THBS1: variants seen among roughly 807,000 people sequenced by gnomAD.
THBS1 encodes thrombospondin 1, also known as thrombospondin-1.
A neutral mutation model predicts 126.1 loss-of-function variants in THBS1; 29 were observed. The observed-to-expected ratio is 0.23, with a 90% CI of 0.17 to 0.31. The LOEUF is 0.31. Among genes scored for constraint, THBS1 ranks in the 10% least tolerant of loss-of-function variants. The probability of loss-of-function intolerance (pLI) is 1.00; values close to 1 mark genes in which losing one functional copy is unlikely to be tolerated. For synonymous variants in THBS1, 496 were observed against 577.8 expected (o/e 0.86, Z 2.03); for missense variants, 1,198 against 1,545.2 (o/e 0.78, Z 3.77).
rs976259594 is a variant in THBS1, at chr15:39,589,384, G to C, written c.1926+30G>C. 1.2e-6 allele frequency: 2 copies of C among 1,612,432 alleles called. No homozygotes were observed. The highest frequency in any genetic ancestry group is 1.7e-6 in the Non-Finnish European group (2 of 1,179,422). On this transcript the variant is annotated intron_variant, in intron 12 of 21. Coordinates refer to ENST00000260356, the MANE Select transcript of THBS1 (RefSeq NM_003246.4). This position sits in a 1 kb window ranked among gnomAD's most constrained non-coding sequence, Gnocchi z 4.7. Reference sequence around the variant, plus strand: ...AGTCAACTAGACGAGTAAACCAGAGGACAGGAGAGCTGTCCTTGACCAAAA... The same window carrying C: ...AGTCAACTAGACGAGTAAACCAGAGCACAGGAGAGCTGTCCTTGACCAAAA...
At chr15:39,583,565 C>T in intron 3 of THBS1, 52 bp from the exon 4 acceptor site, 1 of 1,215,040 alleles carries the variant, frequency 8.2e-7, no homozygotes, top group Non-Finnish European at 1.2e-6. Flanking sequence ...CCCCCAACCC[C>T]ATCCCCACCC....
At position 39,582,772 on chromosome 15, in the gene THBS1, C is replaced by A. The variant is rs41376748; in HGVS notation, c.627+20C>A. ...TTCCAGGTGAGGCTTCTTCTCTGAG[C>A]CCTGCTCCGTGGGATCATCTGCTAG... On this transcript the variant is annotated intron_variant, in intron 3 of 21. Coordinates refer to ENST00000260356, the MANE Select transcript of THBS1 (RefSeq NM_003246.4). 9,901 of 1,585,134 alleles carry A rather than the reference C, an allele frequency of 6.2e-3. 411 individuals carry two copies. The African/African-American group carries it at 0.1, about 16-fold the overall frequency.
chr15:39,595,279 TG>T, intron 21 of THBS1, 82 bp from the exon 22 acceptor site: 1 of 915,360 alleles, frequency 1.1e-6, no homozygotes, highest in South Asian at 2.9e-5. Flanking sequence ...TATTCCTATG[TG>T]GTTAACTTAT....
At position 39,592,830 on chromosome 15, in the gene THBS1, CAG is replaced by C; in HGVS notation, c.2767+29_2767+30del. Reference sequence around the variant, plus strand: ...GAGTCATGGGAGCCACTTTCTAAGACAGGGACTGCTGGCACAGCTGTGTAGAT... The same window carrying C: ...GAGTCATGGGAGCCACTTTCTAAGACGGACTGCTGGCACAGCTGTGTAGAT... On this transcript the variant is annotated intron_variant, in intron 17 of 21. Coordinates refer to ENST00000260356, the MANE Select transcript of THBS1 (RefSeq NM_003246.4). The surrounding 1 kb of genome is among the most constrained non-coding windows in gnomAD (Gnocchi z 4.3). 1 of 1,598,174 alleles carries C rather than the reference CAG, an allele frequency of 6.3e-7. No homozygotes were observed. Among genetic ancestry groups the C allele is most frequent in the Non-Finnish European group, 8.5e-7 (1 of 1,169,596 alleles).
chr15:39,582,415 TGAA>T lies in THBS1; in HGVS notation c.296_298del (p.Lys99del), dbSNP rs1890128053. The T allele has an allele frequency of 6.2e-7, 1 of 1,614,058 alleles. No individual in the cohort carries two copies. The highest frequency in any genetic ancestry group is 8.5e-7 in the Non-Finnish European group (1 of 1,179,974). ...CTCCTTCTGGCATCCCTGAGGCAGA[TGAA>T]GAAGACCCGGGGCACGCTGCTGGCC... On this transcript the variant is annotated inframe_deletion, in exon 3 of 22. Coordinates refer to ENST00000260356, the MANE Select transcript of THBS1 (RefSeq NM_003246.4).
intron 2 of THBS1, 32 bp from the exon 3 acceptor site, chr15:39,582,161 A>G: frequency 6.4e-7 from 1 of 1,554,464 alleles, no homozygotes; most frequent in East Asian, 2.3e-5. Context: ...CCAGCCTAGA[A>G]AGCTCACTTT....
Position 39,588,508 on chromosome 15 carries a change from T to C in THBS1, c.1472-18T>C. The C allele has an allele frequency of 6.5e-7, 1 of 1,533,008 alleles. No homozygotes were observed. The highest frequency in any genetic ancestry group is 2.3e-5 in the East Asian group (1 of 44,140). The allele number at this position is 1,533,008 out of a possible 1,614,324, so 95.0% of individuals were successfully genotyped here. On this transcript the variant is annotated intron_variant, in intron 9 of 21. Coordinates refer to ENST00000260356, the MANE Select transcript of THBS1 (RefSeq NM_003246.4). ...GAAAGTTGATCTTAATTGTTGCCTG[T>C]GGTTCATCTTCTTACAGTCAATGGA... is the stretch of plus-strand genomic sequence containing the variant.
chr15:39,583,625 G>A lies in THBS1; in HGVS notation c.636G>A (p.Leu212=). Reference sequence around the variant, plus strand: ...GTGTCCTCTGCCCACAGGGGGTGCTGCAGAATGTGAGGTTTGTCTTTGGAA... The same window carrying A: ...GTGTCCTCTGCCCACAGGGGGTGCTACAGAATGTGAGGTTTGTCTTTGGAA... ...GGVNDNFQGV[L]QNVRFVFGTT... Residue 212 remains leucine (L), a synonymous_variant, in exon 4 of 22, where the codon CTG becomes CTA. Transcript: ENST00000260356. The A allele has an allele frequency of 6.2e-7, 1 of 1,613,512 alleles. No homozygotes were observed. The highest frequency in any genetic ancestry group is 8.5e-7 in the Non-Finnish European group (1 of 1,179,718).
At position 39,597,275 on chromosome 15, in the gene THBS1, GTTTTGTTTTTTTT is replaced by G. The variant is rs1890475298; in HGVS notation, c.*1911_*1923del. The G allele has an allele frequency of 1.9e-5, 1 of 52,594 alleles. No homozygotes were observed. The highest frequency in any genetic ancestry group is 5.4e-4 in the South Asian group (1 of 1,864). 3.3% of individuals were successfully genotyped at this position (52,594 alleles called of 1,614,324 possible). A position where few individuals can be genotyped will look rare whatever the true frequency, so the allele number is the denominator to read the frequency against. Reference sequence around the variant, plus strand: ...GAATTGTTGGTTTTTTCTTTTTTTTGTTTTGTTTTTTTTTTTTTTTTTTTTTGCTTTTGACCTC... The same window carrying G: ...GAATTGTTGGTTTTTTCTTTTTTTTGTTTTTTTTTTTTTGCTTTTGACCTC... On this transcript the variant is annotated 3_prime_UTR_variant, in exon 22 of 22. Transcript: ENST00000260356.
chr15:39,596,027 T>C lies in THBS1; in HGVS notation c.*658T>C, dbSNP rs1890435456. 2.6e-6 allele frequency: 1 copy of C among 377,896 alleles called. No homozygotes were observed. 23.4% of individuals were successfully genotyped at this position (377,896 alleles called of 1,614,324 possible). A position where few individuals can be genotyped will look rare whatever the true frequency, so the allele number is the denominator to read the frequency against. The stretch of plus-strand genomic sequence containing the variant: ...GGGAGACAAAGACTGGCTTCTGGAC[T>C]TCCTCCCTGATCCCCACCCTTACTC... On this transcript the variant is annotated 3_prime_UTR_variant, in exon 22 of 22. Transcript: ENST00000260356.
chr15:39,592,510 A>G lies in THBS1; in HGVS notation c.2533-58A>G. On this transcript the variant is annotated intron_variant, in intron 16 of 21. Coordinates refer to ENST00000260356, the MANE Select transcript of THBS1 (RefSeq NM_003246.4). This position sits in a 1 kb window ranked among gnomAD's most constrained non-coding sequence, Gnocchi z 4.3. ...TTTCCCTGTGGTGGGGGCATAAGTT[A>G]TCTTTAACATGAATGGTTTATACTG... 6 of 1,421,334 alleles carry G rather than the reference A, an allele frequency of 4.2e-6. No homozygotes were observed. The highest frequency in any genetic ancestry group is 2.5e-5 in the East Asian group (1 of 40,458). The allele number at this position is 1,421,334 out of a possible 1,614,324, so 88.0% of individuals were successfully genotyped here.
Position 39,581,235 on chromosome 15 carries a change from C to A in THBS1, c.-30+7C>A. 1 of 153,734 alleles carries A rather than the reference C, an allele frequency of 6.5e-6. No homozygotes were observed. Among genetic ancestry groups the A allele is most frequent in the South Asian group, 1.8e-4 (1 of 5,498 alleles). 9.5% of individuals were successfully genotyped at this position (153,734 alleles called of 1,614,324 possible). A position where few individuals can be genotyped will look rare whatever the true frequency, so the allele number is the denominator to read the frequency against. On this transcript the variant is annotated splice_region_variant and intron_variant, in intron 1 of 21. Coordinates refer to ENST00000260356, the MANE Select transcript of THBS1 (RefSeq NM_003246.4). ...CGCGCTCCGGTACACACAGGTAAGTCGCCCCCGGCGGCCGCCGAGGACCAA... is the reference window on the plus strand; with the variant it reads ...CGCGCTCCGGTACACACAGGTAAGTAGCCCCCGGCGGCCGCCGAGGACCAA...
At chr15:39,583,835 G>A (rs1890157831) in intron 4 of THBS1, 143 bp downstream of exon 4, 7 of 1,186,434 alleles carry the variant, frequency 5.9e-6, no homozygotes, top group Non-Finnish European at 8.4e-6. Flanking sequence ...ACTCCAAGGG[G>A]TATTATACAC....
Position 39,583,623 on chromosome 15 carries a change from C to G in THBS1, c.634C>G (p.Leu212Val). Residue 212 changes from leucine (L) to valine (V), a missense_variant, in exon 4 of 22, where the codon CTG becomes GTG. Physicochemically the swap from Leu to Val is conservative, Grantham distance 32. Coordinates refer to ENST00000260356, the MANE Select transcript of THBS1 (RefSeq NM_003246.4). ...GTGTGTCCTCTGCCCACAGGGGGTG[C>G]TGCAGAATGTGAGGTTTGTCTTTGG... Reference protein sequence around the residue: ...GGVNDNFQGVLQNVRFVFGTT... With the variant: ...GGVNDNFQGVVQNVRFVFGTT... 6.7e-7 allele frequency: 1 copy of G among 1,500,540 alleles called. No individual in the cohort carries two copies. Among genetic ancestry groups the G allele is most frequent in the Non-Finnish European group, 9.0e-7 (1 of 1,111,282 alleles). 93.0% of individuals were successfully genotyped at this position (1,500,540 alleles called of 1,614,324 possible).
chr15:39,592,956 T>C lies in THBS1; in HGVS notation c.2768-44T>C. On this transcript the variant is annotated intron_variant, in intron 17 of 21. Transcript: ENST00000260356. The surrounding 1 kb of genome is among the most constrained non-coding windows in gnomAD (Gnocchi z 4.3). ...ACATTTCTGACACCAGTAATAATAA[T>C]AGCACTTTAGAATTTTGCTGAACTC... 6.3e-7 allele frequency: 1 copy of C among 1,594,446 alleles called. No individual in the cohort carries two copies. The highest frequency in any genetic ancestry group is 8.6e-7 in the Non-Finnish European group (1 of 1,166,310).
At position 39,592,921 on chromosome 15, in the gene THBS1, C is replaced by T; in HGVS notation, c.2768-79C>T. On this transcript the variant is annotated intron_variant, in intron 17 of 21. Coordinates refer to ENST00000260356, the MANE Select transcript of THBS1 (RefSeq NM_003246.4). This position sits in a 1 kb window ranked among gnomAD's most constrained non-coding sequence, Gnocchi z 4.3. ...TGAAGGGACCAAATGCCAACTTAGA[C>T]AAGATAGTGACATTTCTGACACCAG... 1 of 1,551,408 alleles carries T rather than the reference C, an allele frequency of 6.4e-7. No individual in the cohort carries two copies. The highest frequency in any genetic ancestry group is 8.8e-7 in the Non-Finnish European group (1 of 1,133,246).
In THBS1 at chr15:39,588,969, G is replaced by C. The variant is rs538789781; in HGVS notation, c.1656G>C (p.Leu552=). The change falls in exon 11 of 22, where the codon CTG becomes CTC. Residue 552 remains leucine, a synonymous_variant. Coordinates refer to ENST00000260356, the MANE Select transcript of THBS1 (RefSeq NM_003246.4). ...CTCTCCTTGTCTCAGATGGATGCCT[G>C]TCCAATCCCTGCTTTGCCGGCGTGA... is the stretch of plus-strand genomic sequence containing the variant. ...NKQDCPIDGC[L]SNPCFAGVKC... 1 of 1,614,182 alleles carries C rather than the reference G, an allele frequency of 6.2e-7. No individual in the cohort carries two copies. The highest frequency in any genetic ancestry group is 1.1e-5 in the South Asian group (1 of 91,088).
Position 39,596,194 on chromosome 15 carries a change from T to C in THBS1, c.*825T>C, listed in dbSNP as rs1214473001. 1 of 190,356 alleles carries C rather than the reference T, an allele frequency of 5.3e-6. No individual in the cohort carries two copies. Among genetic ancestry groups the C allele is most frequent in the African/African-American group, 2.3e-5 (1 of 42,558 alleles). The allele number at this position is 190,356 out of a possible 1,614,324, so 11.8% of individuals were successfully genotyped here. A position where few individuals can be genotyped will look rare whatever the true frequency, so the allele number is the denominator to read the frequency against. On this transcript the variant is annotated 3_prime_UTR_variant, in exon 22 of 22. Coordinates refer to ENST00000260356, the MANE Select transcript of THBS1 (RefSeq NM_003246.4). The stretch of plus-strand genomic sequence containing the variant: ...GATGTAGCAGGAAAATAGGAAAACC[T>C]ACCATCTCAGTGAGCACCAGCTGCC...
rs574350332 is a variant in THBS1 at position 39,592,167 on chromosome 15, C to T, written c.2533-401C>T. On this transcript the variant is annotated intron_variant, in intron 16 of 21. Transcript: ENST00000260356. This position sits in a 1 kb window ranked among gnomAD's most constrained non-coding sequence, Gnocchi z 4.3. ...TCTTTTCAGGACTTTTCAGAGAAGT[C>T]GACGTGTCAACAGTTTTACAACTGA... 6.6e-6 allele frequency among the ~76,000 whole-genome samples: 1 copy of T among 152,130 alleles called. No homozygotes were observed. The highest frequency in any genetic ancestry group is 1.5e-5 in the Non-Finnish European group (1 of 68,028).
Sources: gnomAD v4.1 joint callset for allele counts (sites outside exome capture counted in the v4.1 genomes callset) on GRCh38, gnomAD v4.1.1 for gene constraint, Gnocchi (gnomAD v3.1) non-coding constraint, MANE v1.5 for transcripts, NCBI Gene and HGNC (gene_info 2026-07-23, HGNC 2026-07-21) for gene names.